The following DLG2 variants were observed in gnomAD, a reference collection of about 807,000 sequenced individuals.
DLG2 encodes disks large homolog 2.
Under a neutral mutation model 132.5 loss-of-function variants are expected in DLG2, and 45 were observed. The ratio of observed to expected loss-of-function variants is 0.34; its 90% CI spans 0.27 to 0.44. The LOEUF (loss-of-function observed/expected upper bound fraction) is 0.44. DLG2 is among the 20% of genes least tolerant of loss of function. The pLI is 1.00. For synonymous variants in DLG2, 424 were observed against 419.6 expected (o/e 1.01, Z -0.13); for missense variants, 1,045 against 1,196.9 (o/e 0.87, Z 1.87).
chr11:84,878,496 A>G (rs1210065282), intron 6 of DLG2, among the ~76,000 whole-genome samples: 2 of 152,122 alleles, frequency 1.3e-5, no homozygotes, highest in African/African-American at 2.4e-5. Context: ...CATAAGTGGG[A>G]GTTGAACAAT....
At chr11:84,677,878 G>A (rs553526244) in intron 6 of DLG2, among the ~76,000 whole-genome samples, 21 of 152,038 alleles carry the variant, frequency 1.4e-4, no homozygotes, top group Admixed American at 2.6e-4. Context: ...GAAAGAGTGA[G>A]ACTCTGTCTC....
intron 10 of DLG2, among the ~76,000 whole-genome samples, chr11:84,067,298 C>T (rs771643395): frequency 1.6e-4 from 25 of 152,154 alleles, no homozygotes; most frequent in Non-Finnish European, 3.7e-4. Flanking sequence ...CGCGCCACTG[C>T]ACTCCATCCT....
intron 7 of DLG2, among the ~76,000 whole-genome samples, chr11:84,483,324 T>C (rs1270798138): frequency 6.8e-6 from 1 of 148,142 alleles, no homozygotes; most frequent in African/African-American, 2.5e-5. Flanking sequence ...CCCAGCTACT[T>C]GGGAGGCTAA....
intron 19 of DLG2, among the ~76,000 whole-genome samples, chr11:83,588,861 G>A (rs548860973): frequency 1.4e-3 from 217 of 152,240 alleles, no homozygotes; most frequent in East Asian, 2.1e-3. Context: ...GTCAGGAGCC[G>A]ATGCGATCAA....
chr11:84,111,232 C>T (rs1175907555), intron 9 of DLG2, among the ~76,000 whole-genome samples: 1 of 152,200 alleles, frequency 6.6e-6, no homozygotes, highest in Non-Finnish European at 1.5e-5. Flanking sequence ...TTGAACTGAA[C>T]TATTTCCTAT....
intron 6 of DLG2, among the ~76,000 whole-genome samples, chr11:84,874,395 A>C (rs1406327622): frequency 5.9e-5 from 9 of 152,190 alleles, no homozygotes; most frequent in African/African-American, 1.7e-4. Context: ...ATAATATTCA[A>C]GGAACTGAAA....
intron 21 of DLG2, among the ~76,000 whole-genome samples, chr11:83,517,101 T>C (rs1444081236): frequency 6.6e-6 from 1 of 151,674 alleles, no homozygotes; most frequent in African/African-American, 2.4e-5. Context: ...TTCTCCTGGA[T>C]AATATCCTGC....
At chr11:84,675,545 G>C (rs903035075) in intron 6 of DLG2, among the ~76,000 whole-genome samples, 8 of 151,946 alleles carry the variant, frequency 5.3e-5, no homozygotes, top group Non-Finnish European at 1.0e-4. Flanking sequence ...GTGGCTCCTG[G>C]GCTATGTTTT....
At chr11:85,074,564 A>T (rs1305538125) in intron 6 of DLG2, among the ~76,000 whole-genome samples, 1 of 151,886 alleles carries the variant, frequency 6.6e-6, no homozygotes, top group South Asian at 2.1e-4. Flanking sequence ...TTATCTGTAA[A>T]AACTTGGGCC....
intron 18 of DLG2, among the ~76,000 whole-genome samples, chr11:83,706,044 C>T (rs1212787242): frequency 6.6e-6 from 1 of 151,994 alleles, no homozygotes; most frequent in Admixed American, 6.6e-5. Flanking sequence ...TGGTGAAACC[C>T]CGTCTCTACT....
intron 21 of DLG2, among the ~76,000 whole-genome samples, chr11:83,520,696 TAGA>T (rs2095452301): frequency 4.5e-4 from 7 of 15,712 alleles, no homozygotes; most frequent in South Asian, 3.2e-3. Flanking sequence ...AGTAGGTAGG[TAGA>T]TAGATAGATA....
intron 4 of DLG2, among the ~76,000 whole-genome samples, chr11:85,191,159 C>CGG (rs992957545): frequency 8.3e-6 from 1 of 121,200 alleles, no homozygotes; most frequent in South Asian, 3.1e-4. Flanking sequence ...CGCGCGCACG[C>CGG]GCGCACACAC....
intron 7 of DLG2, among the ~76,000 whole-genome samples, chr11:84,402,651 G>A (rs558415799): frequency 6.6e-6 from 1 of 152,028 alleles, no homozygotes; most frequent in South Asian, 2.1e-4. Flanking sequence ...GAGAGGCCGA[G>A]GCGGGCGGAC....
intron 19 of DLG2, among the ~76,000 whole-genome samples, chr11:83,569,856 C>A (rs1282715243): frequency 6.6e-6 from 1 of 152,196 alleles, no homozygotes; most frequent in Non-Finnish European, 1.5e-5. Context: ...AAAAATTCAT[C>A]CCATCTGAAA....
At chr11:85,087,844 C>CA (rs71465019) in intron 6 of DLG2, among the ~76,000 whole-genome samples, 3,109 of 21,838 alleles carry the variant, frequency 0.14, 596 homozygotes, top group African/African-American at 0.24. Flanking sequence ...GACTCCGTCT[C>CA]AAAAAAAAAA....
intron 7 of DLG2, among the ~76,000 whole-genome samples, chr11:84,364,915 A>G (rs2098672710): frequency 6.6e-6 from 1 of 152,154 alleles, no homozygotes; most frequent in Admixed American, 6.6e-5. Context: ...TCGGTTTGCC[A>G]GTATTTTATT....
intron 7 of DLG2, among the ~76,000 whole-genome samples, chr11:84,500,998 G>A (rs1425954066): frequency 6.6e-6 from 1 of 152,066 alleles, no homozygotes; most frequent in Non-Finnish European, 1.5e-5. Flanking sequence ...TGGCTCACCT[G>A]ACTTTAAACA....
chr11:83,736,887 A>G (rs1269542925), intron 18 of DLG2, among the ~76,000 whole-genome samples: 2 of 152,224 alleles, frequency 1.3e-5, no homozygotes, highest in African/African-American at 4.8e-5. Flanking sequence ...TATAGATGGC[A>G]GTGTTCAGTT....
intron 6 of DLG2, among the ~76,000 whole-genome samples, chr11:84,945,184 A>C (rs2050041789): frequency 6.6e-6 from 1 of 152,160 alleles, no homozygotes; most frequent in Admixed American, 6.5e-5. Flanking sequence ...CTTCTTGGGA[A>C]GGTTCTCCAA....
Sources: gnomAD v4.1 joint callset for allele counts (sites outside exome capture counted in the v4.1 genomes callset) on GRCh38, gnomAD v4.1.1 for gene constraint, MANE v1.5 for transcripts, NCBI Gene and HGNC (gene_info 2026-07-23, HGNC 2026-07-21) for gene names.